Variants in COL8A1 observed in about 807,000 individuals in gnomAD.
COL8A1 encodes collagen alpha-1(VIII) chain.
In COL8A1, 21 loss-of-function variants were observed where a neutral mutation model predicts 42.7. The observed-to-expected ratio is 0.49, with a 90% CI of 0.35 to 0.71. The LOEUF is 0.71. Among genes scored for constraint, COL8A1 ranks in the 30% least tolerant of loss-of-function variants. The pLI is 0.01. For synonymous variants in COL8A1, 367 were observed against 369.1 expected, an observed-to-expected ratio of 0.99 and a Z score of 0.06; for missense variants, 788 against 962.4, an observed-to-expected ratio of 0.82 and a Z score of 2.40.
intron 2 of COL8A1, among the ~76,000 whole-genome samples, chr3:99,777,265 T>C (rs1941711646): frequency 6.6e-6 from 1 of 152,114 alleles, no homozygotes; most frequent in Admixed American, 6.6e-5. Flanking sequence ...AATACCCAGA[T>C]TCTATTACCG....
intron 2 of COL8A1, among the ~76,000 whole-genome samples, chr3:99,765,706 G>T (rs1019262805): frequency 6.6e-6 from 1 of 152,064 alleles, no homozygotes; most frequent in Admixed American, 6.6e-5. Flanking sequence ...CCAGAGTAAT[G>T]CTCAATTGCT....
chr3:99,707,183 C>A (rs1300654325), intron 1 of COL8A1: 3 of 152,188 alleles, frequency 2.0e-5, no homozygotes, highest in Non-Finnish European at 4.4e-5. Flanking sequence ...AGGCCCCGGT[C>A]TCTCTAGCAG....
chr3:99,796,155 CAAAGA>C lies in COL8A1; in HGVS notation c.*27_*31del. 6.9e-7 allele frequency: 1 copy of C among 1,443,338 alleles called. No individual in the cohort carries two copies. The highest frequency in any genetic ancestry group is 1.4e-5 in the African/African-American group (1 of 70,864). 89.4% of individuals were successfully genotyped at this position (1,443,338 alleles called of 1,614,324 possible). On this transcript the variant is annotated 3_prime_UTR_variant, in exon 4 of 4. Coordinates refer to ENST00000652472, the MANE Select transcript of COL8A1 (RefSeq NM_020351.4). ...CATGTAAAAACAAAAAAACAAAAAA[CAAAGA>C]AAAGAAAGAGATTTTATAGAAGAAA...
At position 99,648,465 on chromosome 3, in the gene COL8A1, GT is replaced by G. The variant is rs562248230; in HGVS notation, c.-129+9809del. Among the ~76,000 whole-genome samples, 947 of 150,758 alleles carry G rather than the reference GT, an allele frequency of 6.3e-3. 21 individuals are homozygous for G. Among genetic ancestry groups the G allele is most frequent in the African/African-American group, 6.7e-3 (277 of 41,046 alleles). On this transcript the variant is annotated intron_variant, in intron 1 of 3. Coordinates refer to ENST00000652472, the MANE Select transcript of COL8A1 (RefSeq NM_020351.4). Reference sequence around the variant, plus strand: ...TGATTTTAATTTCTTTTTCTTTTTTGTTTTTTTTAATCTAAAAGCATGCTGT... The same window carrying G: ...TGATTTTAATTTCTTTTTCTTTTTTGTTTTTTTAATCTAAAAGCATGCTGT...
chr3:99,669,137 ATATATATATAGAGG>A (rs1486136984), intron 1 of COL8A1, among the ~76,000 whole-genome samples: 11 of 123,490 alleles, frequency 8.9e-5, no homozygotes, highest in South Asian at 5.1e-4. Flanking sequence ...ATATATATAT[ATATATATATAGAGG>A]GAGAGAGAGA....
At chr3:99,697,330 A>G (rs1427224166) in intron 1 of COL8A1, among the ~76,000 whole-genome samples, 5 of 152,216 alleles carry the variant, frequency 3.3e-5, no homozygotes, top group Admixed American at 1.3e-4. Flanking sequence ...TATTTCAGCT[A>G]TCAAATGTTT....
chr3:99,702,211 A>G (rs1939560314), intron 1 of COL8A1, among the ~76,000 whole-genome samples: 1 of 152,208 alleles, frequency 6.6e-6, no homozygotes, highest in Non-Finnish European at 1.5e-5. Context: ...ACTTAAAGTC[A>G]TTAACAAACA....
chr3:99,735,580 A>G lies in COL8A1; in HGVS notation c.-128-9317A>G, dbSNP rs1350731438. Among the ~76,000 whole-genome samples the G allele has an allele frequency of 3.9e-4, 59 of 150,360 alleles. 1 individual carries two copies. Among genetic ancestry groups the G allele is most frequent in the Middle Eastern group, 6.8e-3 (2 of 294 alleles). The stretch of plus-strand genomic sequence containing the variant: ...GTATTTTATTGAGGATTTTTGCATC[A>G]ATGTTCATCAAGGATATTGGTCTAA... On this transcript the variant is annotated intron_variant, in intron 1 of 3. Transcript: ENST00000652472.
At chr3:99,733,036 G>A (rs1035359018) in intron 1 of COL8A1, among the ~76,000 whole-genome samples, 11 of 151,158 alleles carry the variant, frequency 7.3e-5, no homozygotes, top group African/African-American at 2.7e-4. Context: ...GGGTCATGCC[G>A]ATGCAAAATG....
chr3:99,679,176 T>C (rs1391407052), intron 1 of COL8A1: 1 of 152,212 alleles, frequency 6.6e-6, no homozygotes, highest in Non-Finnish European at 1.5e-5. Flanking sequence ...AAGTCCAAGA[T>C]GTGCTTGAAA....
chr3:99,735,628 T>C (rs1447686842), intron 1 of COL8A1, among the ~76,000 whole-genome samples: 4 of 149,694 alleles, frequency 2.7e-5, no homozygotes, highest in Non-Finnish European at 6.0e-5. Flanking sequence ...TTGTTGTGTC[T>C]CTGCCTGGCT....
chr3:99,767,569 C>T (rs562095495), intron 2 of COL8A1, among the ~76,000 whole-genome samples: 3 of 152,266 alleles, frequency 2.0e-5, no homozygotes, highest in South Asian at 2.1e-4. Flanking sequence ...TTCATTCACC[C>T]GTGATGACCT....
At chr3:99,728,603 T>C (rs1940407077) in intron 1 of COL8A1, among the ~76,000 whole-genome samples, 1 of 152,010 alleles carries the variant, frequency 6.6e-6, no homozygotes, top group South Asian at 2.1e-4. Flanking sequence ...AGTCAAATTG[T>C]AGTCACCCAG....
intron 1 of COL8A1, among the ~76,000 whole-genome samples, chr3:99,670,922 G>A (rs987563249): frequency 4.6e-5 from 7 of 151,736 alleles, no homozygotes; most frequent in African/African-American, 1.7e-4. Flanking sequence ...TTCCCCAGTT[G>A]TAGCACATTC....
chr3:99,668,490 T>C (rs2107309755), intron 1 of COL8A1, among the ~76,000 whole-genome samples: 1 of 152,244 alleles, frequency 6.6e-6, no homozygotes, highest in South Asian at 2.1e-4. Flanking sequence ...TTAAAAAGAA[T>C]ATAGAAACAT....
At chr3:99,690,518 C>T (rs745940246) in intron 1 of COL8A1, among the ~76,000 whole-genome samples, 1 of 152,120 alleles carries the variant, frequency 6.6e-6, no homozygotes, top group Non-Finnish European at 1.5e-5. Context: ...GGTACAGGCT[C>T]TCTTTTCTTG....
chr3:99,671,124 C>G (rs1938531317), intron 1 of COL8A1, among the ~76,000 whole-genome samples: 1 of 151,626 alleles, frequency 6.6e-6, no homozygotes, highest in Non-Finnish European at 1.5e-5. Flanking sequence ...GGAGCATGAA[C>G]TAATGGGAAG....
intron 1 of COL8A1, among the ~76,000 whole-genome samples, chr3:99,705,496 C>G (rs1259123537): frequency 6.6e-6 from 1 of 152,224 alleles, no homozygotes; most frequent in African/African-American, 2.4e-5. Flanking sequence ...GAAGGGACAG[C>G]AGACCCCTTG....
intron 1 of COL8A1, among the ~76,000 whole-genome samples, chr3:99,716,985 G>A (rs1258201203): frequency 6.6e-6 from 1 of 151,846 alleles, no homozygotes; most frequent in Non-Finnish European, 1.5e-5. Context: ...TGGAATCAAG[G>A]CCTGTGTTAA....
Sources: allele counts gnomAD v4.1 joint callset (sites outside exome capture counted in the v4.1 genomes callset), GRCh38; gene constraint gnomAD v4.1.1; transcripts MANE v1.5; gene names NCBI Gene and HGNC (gene_info 2026-07-23, HGNC 2026-07-21).